The following PPP2R2B variants were observed in gnomAD, a reference collection of about 807,000 sequenced individuals.
PPP2R2B encodes the protein protein phosphatase 2 regulatory subunit Bbeta, also known as serine/threonine-protein phosphatase 2A 55 kDa regulatory subunit B beta isoform.
A neutral mutation model predicts 46.0 loss-of-function variants in PPP2R2B; 5 were observed. That is an observed-to-expected ratio of 0.11 (90% CI 0.06 to 0.23). PPP2R2B has a LOEUF of 0.23. Among genes scored for constraint, PPP2R2B ranks in the 10% least tolerant of loss-of-function variants. The pLI is 1.00. For synonymous variants in PPP2R2B, 215 were observed against 206.7 expected (o/e 1.04, Z -0.34); for missense variants, 367 against 575.0 (o/e 0.64, Z 3.70).
At position 146,878,065 on chromosome 5, in the gene PPP2R2B, C is replaced by G. The variant is rs1035695242; in HGVS notation, c.7G>C (p.Glu3Gln). 6.2e-7 allele frequency: 1 copy of G among 1,614,152 alleles called. No individual in the cohort carries two copies. The highest frequency in any genetic ancestry group is 8.5e-7 in the Non-Finnish European group (1 of 1,180,014). ME[E>Q]DIDTRKINNS... Reference sequence around the variant, plus strand: ...TTGATTTTGCGGGTATCAATGTCCTCCTCCATTGACAGCAGGCTTACTTGC... The same window carrying G: ...TTGATTTTGCGGGTATCAATGTCCTGCTCCATTGACAGCAGGCTTACTTGC... The change falls in exon 2 of 10, where the codon GAG (glutamate) becomes CAG (glutamine). Residue 3 changes from glutamate to glutamine, a missense_variant. By Grantham distance (29) the Glu-to-Gln change is conservative. Around this residue, in one of 2 missense-constraint regions of PPP2R2B, gnomAD observed 361 missense variants for 545.5 expected, o/e 0.66. Coordinates refer to ENST00000394411, the MANE Select transcript of PPP2R2B (RefSeq NM_181675.4). This position sits in a 1 kb window ranked among gnomAD's most constrained non-coding sequence, Gnocchi z 4.5.
intron 1 of PPP2R2B, among the ~76,000 whole-genome samples, chr5:146,936,373 G>C (rs1394544521): frequency 6.6e-6 from 1 of 151,550 alleles, no homozygotes; most frequent in South Asian, 2.1e-4. Flanking sequence ...CTCTGAGTGG[G>C]CATAAGAAGT....
rs143853575 is a variant in PPP2R2B at position 146,962,398 on chromosome 5, C to T, written c.79+93267G>A. On this transcript the variant is annotated intron_variant, in intron 1 of 8. Coordinates refer to the PPP2R2B transcript ENST00000336640. ...AAGCGGCTGGGTGTGGTGGCTCATG[C>T]CTGTAATCCTAGCACTTTGGGAGAC... Among the ~76,000 whole-genome samples the T allele has an allele frequency of 7.1e-3, 1,075 of 151,904 alleles. 37 individuals are homozygous for T. The East Asian group carries it at 0.096, about 14-fold the overall frequency.
At chr5:146,832,013 T>C (rs574872993) in intron 2 of PPP2R2B, among the ~76,000 whole-genome samples, 48 of 152,276 alleles carry the variant, frequency 3.2e-4, no homozygotes, top group Non-Finnish European at 5.7e-4. Context: ...AACAAACAAG[T>C]TTAAAAAGTA....
chr5:146,586,189 A>G lies in PPP2R2B; in HGVS notation c.*3758T>C, dbSNP rs1012023261. The G allele has an allele frequency of 2.0e-5, 3 of 152,246 alleles. No individual in the cohort carries two copies. Among genetic ancestry groups the G allele is most frequent in the Non-Finnish European group, 4.4e-5 (3 of 68,074 alleles). The allele number at this position is 152,246 out of a possible 1,614,324, so 9.4% of individuals were successfully genotyped here. A position where few individuals can be genotyped will look rare whatever the true frequency, so the allele number is the denominator to read the frequency against. ...TGAGATCGGGTGCATTCAGGGTGGT[A>G]TGTCCAAAGACTGTGTCAGGGGATT... On this transcript the variant is annotated 3_prime_UTR_variant, in exon 10 of 10. Transcript: ENST00000394411.
chr5:146,667,673 T>A (rs1777091779), intron 5 of PPP2R2B, among the ~76,000 whole-genome samples: 1 of 152,124 alleles, frequency 6.6e-6, no homozygotes, highest in African/African-American at 2.4e-5. Context: ...CTTGGCAAGC[T>A]GTTAGGAACC....
chr5:146,608,197 A>G (rs1174472370), intron 7 of PPP2R2B, among the ~76,000 whole-genome samples: 1 of 152,160 alleles, frequency 6.6e-6, no homozygotes, highest in Non-Finnish European at 1.5e-5. Context: ...GGGGTGATCA[A>G]TGCATTTTTG....
chr5:146,914,662 G>A (rs891840520), intron 1 of PPP2R2B, among the ~76,000 whole-genome samples: 2 of 152,186 alleles, frequency 1.3e-5, no homozygotes, highest in African/African-American at 4.8e-5. Context: ...CCTAATTTGA[G>A]GATGAGACAT....
At chr5:146,682,188 T>G (rs1274155518) in intron 5 of PPP2R2B, among the ~76,000 whole-genome samples, 2 of 152,196 alleles carry the variant, frequency 1.3e-5, no homozygotes, top group Non-Finnish European at 2.9e-5. Flanking sequence ...AATATTTTAT[T>G]GTCAGTGAAT....
intron 2 of PPP2R2B, among the ~76,000 whole-genome samples, chr5:146,707,974 A>T (rs1172165371): frequency 6.6e-6 from 1 of 152,202 alleles, no homozygotes; most frequent in Admixed American, 6.5e-5. Flanking sequence ...AACAATTTTT[A>T]ACTTGTAAAC....
At chr5:146,962,521 G>A (rs1015601532) in intron 1 of PPP2R2B, among the ~76,000 whole-genome samples, 9 of 151,940 alleles carry the variant, frequency 5.9e-5, no homozygotes, top group Admixed American at 2.6e-4. Flanking sequence ...GCTGGGCGTG[G>A]TGGCACACAC....
At chr5:147,066,937 AC>A (rs1757430931) in intron 2 of PPP2R2B, among the ~76,000 whole-genome samples, 1 of 152,148 alleles carries the variant, frequency 6.6e-6, no homozygotes, top group Non-Finnish European at 1.5e-5. Flanking sequence ...TTGGTGGGCT[AC>A]TGTCTTTCCT....
chr5:146,977,647 T>TA (rs1752980549), intron 1 of PPP2R2B, among the ~76,000 whole-genome samples: 1 of 152,126 alleles, frequency 6.6e-6, no homozygotes, highest in African/African-American at 2.4e-5. Context: ...GTCCCTGTGT[T>TA]AGTTTGCCGA....
At chr5:146,726,301 T>C (rs1751864683) in intron 2 of PPP2R2B, among the ~76,000 whole-genome samples, 1 of 152,152 alleles carries the variant, frequency 6.6e-6, no homozygotes, top group Non-Finnish European at 1.5e-5. Context: ...ATTCAGCATC[T>C]ATGCCAAACT....
chr5:146,736,313 G>A (rs1338401320), intron 2 of PPP2R2B, among the ~76,000 whole-genome samples: 4 of 152,122 alleles, frequency 2.6e-5, no homozygotes, highest in Admixed American at 2.0e-4. Flanking sequence ...TATTAGCAGC[G>A]TGAGAACAGA....
At chr5:146,783,566 A>G (rs762119753) in intron 2 of PPP2R2B, among the ~76,000 whole-genome samples, 2 of 152,230 alleles carry the variant, frequency 1.3e-5, no homozygotes, top group Non-Finnish European at 2.9e-5. Flanking sequence ...TCAGTTAAAC[A>G]TCATGCTATT....
intron 1 of PPP2R2B, among the ~76,000 whole-genome samples, chr5:146,935,366 TC>T (rs1764105375): frequency 6.6e-6 from 1 of 152,196 alleles, no homozygotes; most frequent in African/African-American, 2.4e-5. Flanking sequence ...CCTTGGACTT[TC>T]CAGCTTCCAG....
chr5:146,992,644 T>A (rs6860039), intron 1 of PPP2R2B, among the ~76,000 whole-genome samples: 1 of 152,230 alleles, frequency 6.6e-6, no homozygotes, highest in Non-Finnish European at 1.5e-5. Flanking sequence ...ATCATCCTCA[T>A]GTGGTTTACA....
intron 1 of PPP2R2B, among the ~76,000 whole-genome samples, chr5:146,902,178 T>G (rs1762856173): frequency 1.3e-5 from 2 of 152,168 alleles, no homozygotes; most frequent in South Asian, 4.1e-4. Flanking sequence ...TCACCATTTC[T>G]TTCTATTCCT....
chr5:147,000,674 G>A (rs1754129426), intron 1 of PPP2R2B, among the ~76,000 whole-genome samples: 1 of 78,936 alleles, frequency 1.3e-5, no homozygotes, highest in African/African-American at 6.9e-5. Context: ...CATTTTTAAT[G>A]GCAAAAACCA....
Sources: gnomAD v4.1 joint callset for allele counts (sites outside exome capture counted in the v4.1 genomes callset) on GRCh38, gnomAD v4.1.1 for gene constraint, gnomAD v4.1.1 regional missense constraint, Gnocchi (gnomAD v3.1) non-coding constraint, MANE v1.5 for transcripts, NCBI Gene and HGNC (gene_info 2026-07-23, HGNC 2026-07-21) for gene names.